The following GCSH variants were observed in gnomAD, a reference collection of about 807,000 sequenced individuals.
GCSH encodes the protein glycine cleavage system protein H.
In GCSH, 15 loss-of-function variants were observed where a neutral mutation model predicts 21.3. That is an observed-to-expected ratio of 0.70 (90% CI 0.47 to 1.08). GCSH has a LOEUF of 1.08. Ranked by LOEUF, GCSH falls within the 50% of genes least tolerant of loss-of-function variation. The pLI is 0.00. For missense variants in GCSH, 179 were observed against 217.5 expected (o/e 0.82, Z 1.11); for synonymous variants, 59 against 84.5 (o/e 0.70, Z 1.66).
chr16:81,092,271 T>C (rs1216717654), intron 1 of GCSH, among the ~76,000 whole-genome samples: 1 of 152,030 alleles, frequency 6.6e-6, no homozygotes, highest in Non-Finnish European at 1.5e-5. Flanking sequence ...ACACACACGG[T>C]GCTGAACATA....
At chr16:81,083,481 CACTCCA>C (rs1972211141) in intron 4 of GCSH, 2 of 169,134 alleles carry the variant, frequency 1.2e-5, no homozygotes, top group African/African-American at 4.8e-5. Context: ...CACGCCACTG[CACTCCA>C]GCCTGGGCGA....
In GCSH at chr16:81,082,745, G is replaced by C. The variant is rs774237166; in HGVS notation, c.*121C>G. On this transcript the variant is annotated 3_prime_UTR_variant, in exon 5 of 5. Transcript: ENST00000315467. The stretch of plus-strand genomic sequence containing the variant: ...TCTTTCATTAGCAGTGTTAACAGTA[G>C]TTTTTTTTTCCCCATCGGTAATACT... The C allele has an allele frequency of 1.1e-5, 7 of 619,138 alleles. No homozygotes were observed. In the African/African-American group the frequency reaches 1.5e-4, roughly 13 times the overall value. The allele number at this position is 619,138 out of a possible 1,614,324, so 38.4% of individuals were successfully genotyped here.
At chr16:81,084,813 G>C (rs1012263354) in intron 3 of GCSH, among the ~76,000 whole-genome samples, 2 of 150,394 alleles carry the variant, frequency 1.3e-5, no homozygotes, top group Non-Finnish European at 2.9e-5. Context: ...AAGGGTTCAT[G>C]CCATTCTCCT....
intron 1 of GCSH, among the ~76,000 whole-genome samples, chr16:81,092,835 A>C (rs1475271563): frequency 6.6e-6 from 1 of 151,142 alleles, no homozygotes; most frequent in Admixed American, 6.6e-5. Context: ...TTTCCCCTTA[A>C]ATTATCATGT....
At chr16:81,088,230 C>G (rs1388958693) in intron 2 of GCSH, among the ~76,000 whole-genome samples, 1 of 152,108 alleles carries the variant, frequency 6.6e-6, no homozygotes, top group African/African-American at 2.4e-5. Flanking sequence ...TTGAGACCTG[C>G]CTTGGCAATA....
At chr16:81,086,796 C>T (rs8177919) in intron 3 of GCSH, among the ~76,000 whole-genome samples, 3,653 of 132,078 alleles carry the variant, frequency 0.028, 74 homozygotes, top group East Asian at 0.081. Flanking sequence ...AGCAGCCAAA[C>T]GTAACACACA....
intron 1 of GCSH, among the ~76,000 whole-genome samples, chr16:81,091,515 T>C (rs1185007232): frequency 1.3e-5 from 2 of 152,176 alleles, no homozygotes; most frequent in Non-Finnish European, 2.9e-5. Context: ...ATTTAGGATA[T>C]AAAGTTAAAA....
In GCSH at chr16:81,090,660, G is replaced by C; in HGVS notation, c.169C>G (p.His57Asp). 1 of 1,612,634 alleles carries C rather than the reference G, an allele frequency of 6.2e-7. No homozygotes were observed. ...CCATTTTCTGTTGTTACCCATTCGT[G>C]TTTCTCTGTGAATTTACGCACTAAA... ...LLSVRKFTEKHEWVTTENGIG... is the reference protein window; with the variant it reads ...LLSVRKFTEKDEWVTTENGIG... The change falls in exon 2 of 5, where the codon CAC becomes GAC. Residue 57 changes from histidine to aspartate, a missense_variant. Physicochemically the swap from His to Asp is moderately conservative, Grantham distance 81. Coordinates refer to ENST00000315467, the MANE Select transcript of GCSH (RefSeq NM_004483.5).
At chr16:81,083,037 A>C (rs533993919) in intron 4 of GCSH, 74 bp from the exon 5 acceptor site, 5 of 905,786 alleles carry the variant, frequency 5.5e-6, no homozygotes, top group South Asian at 3.9e-5. Flanking sequence ...CGTAAAATAA[A>C]TTTCTGAGCG....
Position 81,096,299 on chromosome 16 carries a change from C to A in GCSH, c.-21G>T, listed in dbSNP as rs571283434. On this transcript the variant is annotated 5_prime_UTR_variant, in exon 1 of 5. Coordinates refer to ENST00000315467, the MANE Select transcript of GCSH (RefSeq NM_004483.5). ...GCCATGTTCGCAGGGGTGCGGGGGTCGCAGCGCTACGCCTCGGCCACCCGC... is the reference window on the plus strand; with the variant it reads ...GCCATGTTCGCAGGGGTGCGGGGGTAGCAGCGCTACGCCTCGGCCACCCGC... 7.0e-5 allele frequency: 95 copies of A among 1,358,098 alleles called. 2 individuals carry two copies. The East Asian group carries it at 2.9e-3, about 42-fold the overall frequency. The allele number at this position is 1,358,098 out of a possible 1,614,324, so 84.1% of individuals were successfully genotyped here.
At chr16:81,093,648 C>T (rs1972444142) in intron 1 of GCSH, among the ~76,000 whole-genome samples, 2 of 152,040 alleles carry the variant, frequency 1.3e-5, no homozygotes, top group Non-Finnish European at 1.5e-5. Context: ...CAAGACCACC[C>T]TGGCCAACAT....
chr16:81,083,114 A>C, intron 4 of GCSH, 151 bp from the exon 5 acceptor site: 1 of 684,254 alleles, frequency 1.5e-6, no homozygotes, highest in East Asian at 2.7e-5. Context: ...TTTTAGCCTT[A>C]AGAATTAAAA....
At position 81,087,601 on chromosome 16, in the gene GCSH, CTTGT is replaced by C; in HGVS notation, c.288_291del (p.Gln97MetfsTer9). ...ATTCTAAGATCCTAAGAACACTCAC[CTTGT>C]TTGTTCAATTTTGTCCCAACTTCAG... On this transcript the variant is annotated frameshift_variant and splice_region_variant, in exon 3 of 5. Coordinates refer to ENST00000315467, the MANE Select transcript of GCSH (RefSeq NM_004483.5). LOFTEE classifies it high-confidence loss of function. 1 of 1,590,254 alleles carries C rather than the reference CTTGT, an allele frequency of 6.3e-7. No homozygotes were observed. The highest frequency in any genetic ancestry group is 8.6e-7 in the Non-Finnish European group (1 of 1,159,002).
intron 2 of GCSH, among the ~76,000 whole-genome samples, chr16:81,088,224 G>C (rs1298630499): frequency 6.6e-6 from 1 of 152,136 alleles, no homozygotes; most frequent in Non-Finnish European, 1.5e-5. Flanking sequence ...AGGAGTTTGA[G>C]ACCTGCCTTG....
intron 1 of GCSH, among the ~76,000 whole-genome samples, chr16:81,094,189 C>T (rs865861463): frequency 6.6e-6 from 1 of 152,160 alleles, no homozygotes; most frequent in Non-Finnish European, 1.5e-5. Context: ...CATGAGCCAC[C>T]GTGCCTGGAC....
intron 1 of GCSH, among the ~76,000 whole-genome samples, chr16:81,095,614 C>T (rs1597172287): frequency 6.6e-6 from 1 of 152,118 alleles, no homozygotes; most frequent in East Asian, 1.9e-4. Context: ...GATCTCCTGA[C>T]CTCGTGATCC....
At chr16:81,094,514 G>GA (rs896544794) in intron 1 of GCSH, among the ~76,000 whole-genome samples, 89 of 142,210 alleles carry the variant, frequency 6.3e-4, no homozygotes, top group African/African-American at 1.7e-3. Context: ...CAAAAAAGAA[G>GA]AAAAAAAAAA....
At chr16:81,095,912 C>G (rs1972496292) in intron 1 of GCSH, among the ~76,000 whole-genome samples, 1 of 152,166 alleles carries the variant, frequency 6.6e-6, no homozygotes, top group African/African-American at 2.4e-5. Flanking sequence ...GCATGCAATC[C>G]CTAGGGCAAA....
intron 2 of GCSH, among the ~76,000 whole-genome samples, chr16:81,088,447 G>C (rs1332459428): frequency 6.6e-6 from 1 of 152,020 alleles, no homozygotes; most frequent in Non-Finnish European, 1.5e-5. Context: ...TGCCCAGGCT[G>C]GAGTGCAGTG....
Sources: allele counts gnomAD v4.1 joint callset (sites outside exome capture counted in the v4.1 genomes callset), GRCh38; gene constraint gnomAD v4.1.1; transcripts MANE v1.5; gene names NCBI Gene and HGNC (gene_info 2026-07-23, HGNC 2026-07-21).